MYO3A: variants seen among roughly 807,000 people sequenced by gnomAD.
The protein encoded by MYO3A is myosin-IIIa.
Under a neutral mutation model 192.7 loss-of-function variants are expected in MYO3A, and 180 were observed. That is an observed-to-expected ratio of 0.93 (90% CI 0.83 to 1.06). The LOEUF (loss-of-function observed/expected upper bound fraction) is 1.06, where lower values mean the gene tolerates loss of function less well. Ranked by LOEUF, MYO3A falls within the 50% of genes least tolerant of loss-of-function variation. The probability of loss-of-function intolerance (pLI) is 0.00; values close to 1 mark genes in which losing one functional copy is unlikely to be tolerated. For missense variants in MYO3A, 1,896 were observed against 1,905.0 expected (o/e 1.00, Z 0.09); for synonymous variants, 628 against 645.3 (o/e 0.97, Z 0.41).
At chr10:25,997,493 G>A (rs895600374) in intron 6 of MYO3A, among the ~76,000 whole-genome samples, 2 of 152,164 alleles carry the variant, frequency 1.3e-5, no homozygotes, top group Non-Finnish European at 2.9e-5. Context: ...GTAGTAACAT[G>A]CGTAGTTGAT....
Position 25,952,165 on chromosome 10 carries a change from G to C in MYO3A, c.55G>C (p.Asp19His). The change falls in exon 3 of 35, where the codon GAT becomes CAT. Residue 19 changes from aspartate (D) to histidine (H), a missense_variant. By Grantham distance (81) the Asp-to-His change is moderately conservative (BLOSUM62 -1). Transcript: ENST00000642920. ...IIFDNFPDPS[D>H]TWEITETIGK... ...CTTTGATAACTTTCCTGATCCTTCTGATACATGGGAAATCACTGAGACAAT... is the reference window on the plus strand; with the variant it reads ...CTTTGATAACTTTCCTGATCCTTCTCATACATGGGAAATCACTGAGACAAT... The C allele has an allele frequency of 1.9e-6, 3 of 1,612,320 alleles. No individual in the cohort carries two copies. The highest frequency in any genetic ancestry group is 2.5e-6 in the Non-Finnish European group (3 of 1,178,828).
At chr10:25,946,877 CAAAAAAAAAAAAAAAA>C (rs34045169) in intron 2 of MYO3A, among the ~76,000 whole-genome samples, 1 of 50,136 alleles carries the variant, frequency 2.0e-5, no homozygotes, top group Non-Finnish European at 3.1e-5. Flanking sequence ...GACTCCGTCT[CAAAAAAAAAAAAAAAA>C]AAAAAAAAAA....
chr10:26,188,343 GT>G (rs1370968727), intron 31 of MYO3A, among the ~76,000 whole-genome samples: 4 of 151,978 alleles, frequency 2.6e-5, no homozygotes, highest in Non-Finnish European at 5.9e-5. Context: ...GGGGTTGTTT[GT>G]TTTTTTCTTG....
Position 26,189,031 on chromosome 10 carries a change from A to G in MYO3A, c.4439-4174A>G, listed in dbSNP as rs190091292. ...TTTTTCCAATTCTGTGAAGAAAGTC[A>G]TTGGTAGCTTGATGGGGATGGCATT... On this transcript the variant is annotated intron_variant, in intron 31 of 34. Coordinates refer to ENST00000642920, the MANE Select transcript of MYO3A (RefSeq NM_017433.5). 4.8e-5 allele frequency among the ~76,000 whole-genome samples: 7 copies of G among 144,658 alleles called. No homozygotes were observed. In the East Asian group the frequency reaches 1.5e-3, roughly 30 times the overall value. 94.9% of individuals were successfully genotyped at this position (144,658 alleles called of 152,430 possible). A position where few individuals can be genotyped will look rare whatever the true frequency, so the allele number is the denominator to read the frequency against.
intron 4 of MYO3A, among the ~76,000 whole-genome samples, chr10:25,993,422 A>G (rs1321239603): frequency 1.3e-5 from 2 of 149,714 alleles, no homozygotes; most frequent in South Asian, 2.1e-4. Flanking sequence ...TAGTCTTGCT[A>G]GTGGTCTATT....
intron 10 of MYO3A, among the ~76,000 whole-genome samples, chr10:26,045,490 T>A (rs550289165): frequency 4.4e-4 from 67 of 152,334 alleles, no homozygotes; most frequent in South Asian, 8.3e-4. Context: ...AGTCCTTGTA[T>A]TTCCTGAGTG....
intron 6 of MYO3A, among the ~76,000 whole-genome samples, chr10:26,006,327 A>C (rs930247255): frequency 6.6e-6 from 1 of 152,184 alleles, no homozygotes; most frequent in African/African-American, 2.4e-5. Context: ...AGAACTAGAA[A>C]AGCAAGAGCC....
chr10:26,097,810 A>C (rs1293681501), intron 17 of MYO3A, among the ~76,000 whole-genome samples: 1 of 152,122 alleles, frequency 6.6e-6, no homozygotes, highest in Non-Finnish European at 1.5e-5. Context: ...GGTTGGTTCC[A>C]AGTCTTTGCT....
chr10:26,203,732 G>A (rs911590243), intron 34 of MYO3A, among the ~76,000 whole-genome samples: 1 of 152,184 alleles, frequency 6.6e-6, no homozygotes, highest in African/African-American at 2.4e-5. Flanking sequence ...AAAAATGGGA[G>A]TAATGATGGA....
chr10:26,144,262 C>T (rs1022963496), intron 21 of MYO3A, among the ~76,000 whole-genome samples: 24 of 151,344 alleles, frequency 1.6e-4, no homozygotes, highest in South Asian at 2.1e-4. Context: ...TGTTTTTAAA[C>T]GCAGAACATT....
chr10:26,186,092 G>A (rs1225207627), intron 31 of MYO3A, among the ~76,000 whole-genome samples: 1 of 151,972 alleles, frequency 6.6e-6, no homozygotes, highest in Non-Finnish European at 1.5e-5. Flanking sequence ...AAATGTACTT[G>A]TGTACTGGAA....
At chr10:26,197,140 G>A (rs558790430) in intron 32 of MYO3A, among the ~76,000 whole-genome samples, 19 of 152,322 alleles carry the variant, frequency 1.2e-4, no homozygotes, top group South Asian at 6.2e-4. Flanking sequence ...ATCAGGTGCC[G>A]TAGCCCAGGA....
At chr10:26,192,201 C>A (rs1319283010) in intron 31 of MYO3A, among the ~76,000 whole-genome samples, 1 of 152,114 alleles carries the variant, frequency 6.6e-6, no homozygotes, top group Admixed American at 6.5e-5. Context: ...CGGTGTTGCT[C>A]CCGGTTTGAG....
At chr10:25,953,433 CCCAGG>C (rs1837339403) in intron 3 of MYO3A, among the ~76,000 whole-genome samples, 1 of 151,958 alleles carries the variant, frequency 6.6e-6, no homozygotes, top group Admixed American at 6.6e-5. Context: ...ACTCAGTATG[CCCAGG>C]CTTAACTGTT....
chr10:26,151,289 T>C (rs1039869973), intron 23 of MYO3A, among the ~76,000 whole-genome samples: 7 of 152,208 alleles, frequency 4.6e-5, no homozygotes, highest in Middle Eastern at 3.2e-3. Flanking sequence ...TATTTGGCTA[T>C]AGCTGTCAAT....
chr10:26,021,065 A>G (rs1266039613), intron 7 of MYO3A, among the ~76,000 whole-genome samples: 1 of 152,154 alleles, frequency 6.6e-6, no homozygotes, highest in Non-Finnish European at 1.5e-5. Flanking sequence ...ATCTAACTAG[A>G]CAGCCCTCAA....
chr10:25,979,684 A>G (rs1046868307), intron 4 of MYO3A, among the ~76,000 whole-genome samples: 14 of 152,212 alleles, frequency 9.2e-5, no homozygotes, highest in African/African-American at 3.4e-4. Flanking sequence ...CCACATAACT[A>G]TAATTCAAGA....
chr10:25,998,091 A>G (rs1337693857), intron 6 of MYO3A, among the ~76,000 whole-genome samples: 4 of 152,154 alleles, frequency 2.6e-5, no homozygotes, highest in Admixed American at 2.6e-4. Flanking sequence ...AATTATAATT[A>G]TACATTTGGT....
Position 26,166,049 on chromosome 10 carries a change from C to A in MYO3A, c.3000-18C>A, listed in dbSNP as rs745540826. ...GGCACTTTATGCAATACTAACCAGC[C>A]CTTTTTTCCATTCCAAGGTACTACC... On this transcript the variant is annotated intron_variant, in intron 26 of 34. Coordinates refer to ENST00000642920, the MANE Select transcript of MYO3A (RefSeq NM_017433.5). 9 of 1,602,924 alleles carry A rather than the reference C, an allele frequency of 5.6e-6. No individual in the cohort carries two copies. The highest frequency in any genetic ancestry group is 7.7e-6 in the Non-Finnish European group (9 of 1,169,874).
Sources: allele counts gnomAD v4.1 joint callset (sites outside exome capture counted in the v4.1 genomes callset), GRCh38; gene constraint gnomAD v4.1.1; transcripts MANE v1.5; gene names NCBI Gene and HGNC (gene_info 2026-07-23, HGNC 2026-07-21).